Variants in RBFOX1 observed in about 807,000 individuals in gnomAD.
RBFOX1 encodes the protein RNA binding fox-1 homolog 1, also known as RNA binding protein fox-1 homolog 1.
In RBFOX1, 8 loss-of-function variants were observed where a neutral mutation model predicts 57.7. The ratio of observed to expected loss-of-function variants is 0.14; its 90% confidence interval spans 0.08 to 0.25. The LOEUF is 0.25. Ranked by LOEUF, RBFOX1 falls within the 10% of genes least tolerant of loss-of-function variation. The pLI is 1.00. For missense variants in RBFOX1, 611 were observed against 548.5 expected (o/e 1.11, Z -1.14); for synonymous variants, 326 against 222.4 (o/e 1.47, Z -4.15).
At chr16:6,948,422 T>C (rs1378719601) in intron 3 of RBFOX1, among the ~76,000 whole-genome samples, 1 of 142,630 alleles carries the variant, frequency 7.0e-6, no homozygotes, top group African/African-American at 2.6e-5. Flanking sequence ...AGTTTTACTC[T>C]GTTGCCCAGG....
At chr16:5,401,806 CCTT>C (rs1424592457) in intron 1 of RBFOX1, among the ~76,000 whole-genome samples, 2 of 151,740 alleles carry the variant, frequency 1.3e-5, no homozygotes, top group Admixed American at 6.6e-5. Flanking sequence ...TTCTCCTCCT[CCTT>C]CTCCTTCTCG....
At position 6,886,474 on chromosome 16, in the gene RBFOX1, C is replaced by A. The variant is rs147486501; in HGVS notation, c.-15-165583C>A. 4.3e-4 allele frequency among the ~76,000 whole-genome samples: 65 copies of A among 151,956 alleles called. No homozygotes were observed. In the East Asian group the frequency reaches 0.011, roughly 26 times the overall value. On this transcript the variant is annotated intron_variant, in intron 3 of 15. Coordinates refer to ENST00000550418, the MANE Select transcript of RBFOX1 (RefSeq NM_018723.4). Reference sequence around the variant, plus strand: ...ATTTCCAAGATATGAAAATGTAGGCCCAGCGCGGTGGCTCACACCTGTAAT... The same window carrying A: ...ATTTCCAAGATATGAAAATGTAGGCACAGCGCGGTGGCTCACACCTGTAAT...
rs147091540 is a variant in RBFOX1, at chr16:6,837,377, G to T, written c.-16+182727G>T. On this transcript the variant is annotated intron_variant, in intron 3 of 15. Transcript: ENST00000550418. ...TGGAGTCAGAGTTCTTGGGTTCTCC[G>T]CAATGGTAGTGACTTCCAATCACGG... 6.6e-5 allele frequency among the ~76,000 whole-genome samples: 10 copies of T among 152,260 alleles called. No individual in the cohort carries two copies. The South Asian group carries it at 8.3e-4, about 13-fold the overall frequency.
chr16:7,704,182 G>A (rs1024101603), intron 14 of RBFOX1, among the ~76,000 whole-genome samples: 1 of 152,162 alleles, frequency 6.6e-6, no homozygotes, highest in Non-Finnish European at 1.5e-5. Context: ...CCCAAGTCCT[G>A]AATCTCCAAG....
At chr16:6,926,735 G>C (rs552212677) in intron 3 of RBFOX1, among the ~76,000 whole-genome samples, 1 of 152,300 alleles carries the variant, frequency 6.6e-6, no homozygotes, top group Admixed American at 6.5e-5. Flanking sequence ...ACTGGTGAAA[G>C]AGAGCACACT....
intron 4 of RBFOX1, among the ~76,000 whole-genome samples, chr16:7,450,082 T>C (rs184614299): frequency 6.6e-6 from 1 of 152,046 alleles, no homozygotes; most frequent in African/African-American, 2.4e-5. Context: ...AAGAAGGAAC[T>C]CAATCTAAAG....
chr16:7,649,668 G>C (rs2064535961), intron 11 of RBFOX1, among the ~76,000 whole-genome samples: 1 of 152,124 alleles, frequency 6.6e-6, no homozygotes, highest in African/African-American at 2.4e-5. Context: ...GACAAACATT[G>C]GTTAACCACT....
chr16:5,449,215 G>T (rs56176013), intron 1 of RBFOX1, among the ~76,000 whole-genome samples: 54,042 of 151,944 alleles, frequency 0.36, 10,653 homozygotes, highest in East Asian at 0.46. Context: ...GCAGTCCTGT[G>T]CAGCTTAGTT....
In RBFOX1 at chr16:5,569,255, G is replaced by A. The variant is rs117301302; in HGVS notation, c.259-29647G>A. ...GTCTCCAAGGGACTGACCAACCCCGGTGTAGATGTTGGAGGAGTCAGCAGA... is the reference window on the plus strand; with the variant it reads ...GTCTCCAAGGGACTGACCAACCCCGATGTAGATGTTGGAGGAGTCAGCAGA... On this transcript the variant is annotated intron_variant, in intron 2 of 2. Transcript: ENST00000585867. 8.9e-3 allele frequency among the ~76,000 whole-genome samples: 1,349 copies of A among 151,952 alleles called. 36 individuals carry two copies. The highest frequency in any genetic ancestry group is 0.06 in the Admixed American group (917 of 15,270).
chr16:5,742,268 CTT>C (rs2052797933), intron 3 of RBFOX1, among the ~76,000 whole-genome samples: 1 of 145,742 alleles, frequency 6.9e-6, no homozygotes, highest in Non-Finnish European at 1.5e-5. Context: ...TCCTTCTTTC[CTT>C]TCTTCCTCCC....
intron 1 of RBFOX1, among the ~76,000 whole-genome samples, chr16:5,347,884 A>G (rs1596603705): frequency 8.6e-6 from 1 of 115,734 alleles, no homozygotes; most frequent in Non-Finnish European, 1.7e-5. Context: ...GCACTCACCC[A>G]CCCATTCATC....
intron 2 of RBFOX1, among the ~76,000 whole-genome samples, chr16:5,497,333 C>CCGTT: frequency 6.6e-6 from 1 of 151,658 alleles, no homozygotes; most frequent in African/African-American, 2.4e-5. Flanking sequence ...CGGTGAATCG[C>CCGTT]TCTACTCTTG....
At chr16:5,893,860 C>G (rs779037326) in intron 4 of RBFOX1, among the ~76,000 whole-genome samples, 1 of 151,544 alleles carries the variant, frequency 6.6e-6, no homozygotes, top group African/African-American at 2.4e-5. Context: ...TATGTACCTA[C>G]AAAAATTGAA....
chr16:6,248,961 G>A (rs1379651001), intron 1 of RBFOX1, among the ~76,000 whole-genome samples: 1 of 152,114 alleles, frequency 6.6e-6, no homozygotes, highest in African/African-American at 2.4e-5. Flanking sequence ...GGTACTGAAG[G>A]AACAGTGGTG....
intron 2 of RBFOX1, among the ~76,000 whole-genome samples, chr16:6,519,461 G>A (rs763013357): frequency 3.9e-5 from 6 of 152,242 alleles, no homozygotes; most frequent in Middle Eastern, 6.8e-3. Flanking sequence ...AGCACTTTGG[G>A]AGGCCAACTC....
chr16:7,355,111 C>T (rs778278763), intron 4 of RBFOX1, among the ~76,000 whole-genome samples: 9 of 152,176 alleles, frequency 5.9e-5, no homozygotes, highest in Admixed American at 5.9e-4. Context: ...CGCTATCACC[C>T]AAGCTTTGAA....
intron 3 of RBFOX1, among the ~76,000 whole-genome samples, chr16:6,687,145 A>G (rs1203320300): frequency 1.3e-5 from 2 of 152,192 alleles, no homozygotes; most frequent in Non-Finnish European, 2.9e-5. Flanking sequence ...CATCCATAGA[A>G]ATACAGATTA....
intron 3 of RBFOX1, among the ~76,000 whole-genome samples, chr16:6,893,357 A>G (rs528695828): frequency 6.6e-6 from 1 of 152,184 alleles, no homozygotes; most frequent in South Asian, 2.1e-4. Context: ...TACACGATCA[A>G]GTCACAAAAG....
chr16:6,980,351 C>T (rs772129174), intron 3 of RBFOX1, among the ~76,000 whole-genome samples: 1 of 152,276 alleles, frequency 6.6e-6, no homozygotes, highest in South Asian at 2.1e-4. Flanking sequence ...TGAGGACTAA[C>T]ATGTAACCAT....
Sources: allele counts gnomAD v4.1 joint callset (sites outside exome capture counted in the v4.1 genomes callset), GRCh38; gene constraint gnomAD v4.1.1; transcripts MANE v1.5; gene names NCBI Gene and HGNC (gene_info 2026-07-23, HGNC 2026-07-21).